Variants in DNAH12 observed in about 807,000 individuals in gnomAD.
The protein encoded by DNAH12 is axonemal beta dynein heavy chain 12.
Under a neutral mutation model 371.5 loss-of-function variants are expected in DNAH12, and 285 were observed. The ratio of observed to expected loss-of-function variants is 0.77; its 90% CI spans 0.70 to 0.85. The LOEUF is 0.85. DNAH12 is among the 40% of genes least tolerant of loss of function. The pLI, the probability that DNAH12 is intolerant of heterozygous loss-of-function variation, is 0.00. For synonymous variants in DNAH12, 1,200 were observed against 1,213.0 expected (o/e 0.99, Z 0.22); for missense variants, 3,611 against 3,689.4 (o/e 0.98, Z 0.55).
chr3:57,408,257 T>C lies in DNAH12; in HGVS notation c.6276+23A>G, dbSNP rs572680728. ...GAGGGAAATATGTAATACTAAAACA[T>C]TTACATTGCATTATTGACTGACCTC... On this transcript the variant is annotated intron_variant, in intron 40 of 73. Coordinates refer to ENST00000495027, the MANE Select transcript of DNAH12 (RefSeq NM_001366028.2). 4.0e-6 allele frequency: 6 copies of C among 1,499,256 alleles called. No homozygotes were observed. The South Asian group carries it at 8.1e-5, about 20-fold the overall frequency. 92.9% of individuals were successfully genotyped at this position (1,499,256 alleles called of 1,614,324 possible). A position where few individuals can be genotyped will look rare whatever the true frequency, so the allele number is the denominator to read the frequency against.
chr3:57,299,505 T>A (rs561219541), intron 70 of DNAH12, among the ~76,000 whole-genome samples: 57 of 151,318 alleles, frequency 3.8e-4, no homozygotes, highest in East Asian at 1.4e-3. Context: ...GTTTTTTTTT[T>A]AAAAAAAAGG....
In DNAH12 at chr3:57,462,687, T is replaced by C; in HGVS notation, c.2535+3A>G. On this transcript the variant is annotated splice_donor_region_variant and intron_variant, in intron 18 of 73. Transcript: ENST00000495027. The stretch of plus-strand genomic sequence containing the variant: ...AAGTATTTCAGTTGATCTTTATGTT[T>C]ACCTTGCTTGCACCTGCACTTATCA... 6.5e-7 allele frequency: 1 copy of C among 1,544,200 alleles called. No individual in the cohort carries two copies. The highest frequency in any genetic ancestry group is 1.2e-5 in the South Asian group (1 of 83,042).
At chr3:57,453,869 A>G (rs1559678691) in intron 23 of DNAH12, among the ~76,000 whole-genome samples, 1 of 152,090 alleles carries the variant, frequency 6.6e-6, no homozygotes, top group Non-Finnish European at 1.5e-5. Flanking sequence ...CCACGGCACC[A>G]GGCGCAAGGT....
chr3:57,416,884 C>G (rs2064392524), intron 37 of DNAH12, among the ~76,000 whole-genome samples: 1 of 152,070 alleles, frequency 6.6e-6, no homozygotes, highest in Non-Finnish European at 1.5e-5. Flanking sequence ...TGGAGAATCC[C>G]TGTTTGAGAA....
At position 57,454,901 on chromosome 3, in the gene DNAH12, A is replaced by C. The variant is rs986731627; in HGVS notation, c.3337-7T>G. Reference sequence around the variant, plus strand: ...TTGCAGATTCTGGATAAGCCTGAACAATTAAAATAAATTTCTAACTTTAAA... The same window carrying C: ...TTGCAGATTCTGGATAAGCCTGAACCATTAAAATAAATTTCTAACTTTAAA... On this transcript the variant is annotated splice_region_variant and splice_polypyrimidine_tract_variant and intron_variant, in intron 22 of 73. Coordinates refer to ENST00000495027, the MANE Select transcript of DNAH12 (RefSeq NM_001366028.2). 6.5e-7 allele frequency: 1 copy of C among 1,531,122 alleles called. No individual in the cohort carries two copies. The highest frequency in any genetic ancestry group is 1.3e-5 in the South Asian group (1 of 79,400). The allele number at this position is 1,531,122 out of a possible 1,614,324, so 94.8% of individuals were successfully genotyped here.
Position 57,508,666 on chromosome 3 carries a change from G to T in DNAH12, c.543-126C>A, listed in dbSNP as rs938303250. The stretch of plus-strand genomic sequence containing the variant: ...CTGGGGCTTGAGAAGAGGGAGCTGT[G>T]GTCAGCAATGGGAACCTTAAGATAT... On this transcript the variant is annotated intron_variant, in intron 6 of 73. Coordinates refer to ENST00000495027, the MANE Select transcript of DNAH12 (RefSeq NM_001366028.2). The T allele has an allele frequency of 8.0e-6, 8 of 1,005,060 alleles. No individual in the cohort carries two copies. The Admixed American group carries it at 1.3e-4, about 16-fold the overall frequency. 62.3% of individuals were successfully genotyped at this position (1,005,060 alleles called of 1,614,324 possible). A position where few individuals can be genotyped will look rare whatever the true frequency, so the allele number is the denominator to read the frequency against.
intron 13 of DNAH12, among the ~76,000 whole-genome samples, chr3:57,480,180 TAATAAAGAAG>T (rs1323626021): frequency 1.7e-5 from 2 of 119,446 alleles, no homozygotes; most frequent in South Asian, 3.3e-4. Flanking sequence ...CTAGCAAGAC[TAATAAAGAAG>T]AAAAGAGAGA....
the DNAH12 span, among the ~76,000 whole-genome samples, chr3:57,555,652 A>G: frequency 3.9e-5 from 6 of 152,224 alleles, no homozygotes; most frequent in South Asian, 2.1e-4. Flanking sequence ...CTGTAAAGCG[A>G]TGGATAAAGA....
intron 59 of DNAH12, 51 bp from the exon 60 acceptor site, chr3:57,352,276 T>A: frequency 6.7e-7 from 1 of 1,485,826 alleles, no homozygotes; most frequent in Non-Finnish European, 9.0e-7. Context: ...TAAGAAAATA[T>A]AAGCAATGTG....
intron 5 of DNAH12, among the ~76,000 whole-genome samples, chr3:57,510,507 G>T (rs1471020160): frequency 6.6e-6 from 1 of 152,054 alleles, no homozygotes; most frequent in East Asian, 1.9e-4. Context: ...GGGCATAGTG[G>T]TGTGTGCCTG....
intron 5 of DNAH12, among the ~76,000 whole-genome samples, chr3:57,509,861 TAAAAAAAAAAAAA>T (rs902155403): frequency 1.5e-4 from 7 of 46,554 alleles, no homozygotes; most frequent in Admixed American, 3.4e-4. Context: ...GACTCCATCA[TAAAAAAAAAAAAA>T]AAAAAAAAAA....
intron 59 of DNAH12, among the ~76,000 whole-genome samples, chr3:57,356,747 ATTTTTAT>A (rs2062810613): frequency 6.6e-6 from 1 of 150,674 alleles, no homozygotes; most frequent in South Asian, 2.1e-4. Flanking sequence ...TTTATTTTGT[ATTTTTAT>A]TTTTTAAGAC....
At chr3:57,530,852 G>A (rs6786192) in intron 2 of DNAH12, 110,046 of 162,250 alleles carry the variant, frequency 0.68, 37,661 homozygotes, top group African/African-American at 0.71. Context: ...GGACGCAGCG[G>A]GGGCCAATCT....
intron 58 of DNAH12, among the ~76,000 whole-genome samples, chr3:57,359,457 G>C (rs1368873539): frequency 2.0e-5 from 3 of 151,148 alleles, no homozygotes; most frequent in Admixed American, 1.3e-4. Context: ...TACTCCAGAG[G>C]CTGAGGCAGG....
At chr3:57,304,285 C>T (rs1204844681) in intron 69 of DNAH12, among the ~76,000 whole-genome samples, 1 of 152,282 alleles carries the variant, frequency 6.6e-6, no homozygotes, top group South Asian at 2.1e-4. Flanking sequence ...TGACTCGGAT[C>T]GGGGGACCTC....
intron 62 of DNAH12, among the ~76,000 whole-genome samples, chr3:57,326,754 C>T (rs1330790884): frequency 2.0e-5 from 3 of 152,140 alleles, no homozygotes; most frequent in Admixed American, 6.5e-5. Flanking sequence ...AATTAAAAGA[C>T]ACAGACTGGC....
At chr3:57,496,356 A>G (rs1417251897) in intron 11 of DNAH12, among the ~76,000 whole-genome samples, 2 of 152,200 alleles carry the variant, frequency 1.3e-5, no homozygotes, top group African/African-American at 4.8e-5. Flanking sequence ...GGAAAACAAC[A>G]TTGGGTTAAT....
rs1483251588 is a variant in DNAH12 at position 57,323,082 on chromosome 3, T to G, written c.10308A>C (p.Lys3436Asn). The G allele has an allele frequency of 1.3e-6, 2 of 1,552,298 alleles. No homozygotes were observed. The highest frequency in any genetic ancestry group is 1.7e-6 in the Non-Finnish European group (2 of 1,147,166). Residue 3436 changes from lysine (K) to asparagine (N), a missense_variant, in exon 64 of 74, where the codon AAA (lysine) becomes AAC (asparagine). This residue lies in a region of DNAH12 where 2,266 missense variants were observed against 2,236.9 expected (regional missense o/e 1.01). Transcript: ENST00000495027. ...TTTCAGAGGTAAAATCTTCACATAT[T>G]TTTTCCAACATGGGCATCCAGGACA... is the stretch of plus-strand genomic sequence containing the variant. ...LAVSWMPMLE[K>N]ICEDFTSETC...
chr3:57,424,425 CGCACCACT>C (rs1264984896), intron 35 of DNAH12, among the ~76,000 whole-genome samples: 7 of 145,982 alleles, frequency 4.8e-5, no homozygotes, highest in Admixed American at 3.4e-4. Flanking sequence ...GAGCTGAGAT[CGCACCACT>C]GCACTCCAGC....
Sources: allele counts gnomAD v4.1 joint callset (sites outside exome capture counted in the v4.1 genomes callset), GRCh38; gene constraint gnomAD v4.1.1; regional missense constraint gnomAD v4.1.1; transcripts MANE v1.5; gene names NCBI Gene and HGNC (gene_info 2026-07-23, HGNC 2026-07-21).